The following H2AZ2 variants were observed in gnomAD, a reference collection of about 807,000 sequenced individuals.
The protein encoded by H2AZ2 is H2A.Z variant histone 2, also known as histone H2A.V.
H2AZ2 carries 5 observed loss-of-function variants against 15.5 expected under a neutral mutation model. The ratio of observed to expected loss-of-function variants is 0.32; its 90% CI spans 0.17 to 0.68. H2AZ2 has a LOEUF of 0.68. Ranked by LOEUF, H2AZ2 falls within the 30% of genes least tolerant of loss-of-function variation. The probability of loss-of-function intolerance (pLI) is 0.72; values close to 1 mark genes in which losing one functional copy is unlikely to be tolerated. For missense variants in H2AZ2, 42 were observed against 162.5 expected (o/e 0.26, Z 4.03); for synonymous variants, 44 against 57.4 (o/e 0.77, Z 1.05).
downstream of H2AZ2, chr7:44,830,007 C>G: frequency 1.5e-6 from 1 of 673,132 alleles, no homozygotes; most frequent in Admixed American, 3.1e-5. Flanking sequence ...ATTGAATTCA[C>G]GTATCTGAGA....
intron 2 of H2AZ2, 135 bp from the exon 3 acceptor site, chr7:44,841,147 A>G (rs576905736): frequency 1.1e-5 from 7 of 622,668 alleles, no homozygotes; most frequent in Non-Finnish European, 2.0e-5. Flanking sequence ...CCTATTACGC[A>G]TCAATAGTTC....
chr7:44,828,323 G>A (rs915890245), downstream of H2AZ2: 4 of 152,074 alleles, frequency 2.6e-5, no homozygotes, highest in African/African-American at 9.7e-5. Flanking sequence ...TCCATTTTGA[G>A]TTTACCCTGC....
downstream of H2AZ2, chr7:44,830,187 T>TA (rs1259361336): frequency 6.2e-7 from 1 of 1,611,422 alleles, no homozygotes; most frequent in Non-Finnish European, 8.5e-7. Flanking sequence ...ACAGGACAAA[T>TA]AGAGAATAAA....
At chr7:44,834,640 GA>G (rs1199742420) in intron 4 of H2AZ2, 78 bp from the exon 5 acceptor site, 2 of 1,314,162 alleles carry the variant, frequency 1.5e-6, no homozygotes, top group East Asian at 4.9e-5. Context: ...TAGAAAAAAT[GA>G]AATTTACTTA....
intron 1 of H2AZ2, among the ~76,000 whole-genome samples, chr7:44,845,059 T>C (rs1793363974): frequency 6.6e-6 from 1 of 152,148 alleles, no homozygotes; most frequent in Non-Finnish European, 1.5e-5. Flanking sequence ...TCTTTCAAAA[T>C]AGATGGTAAG....
upstream of H2AZ2, chr7:44,848,092 G>C: frequency 2.0e-6 from 1 of 505,522 alleles, no homozygotes. Flanking sequence ...CCCCGTGCCC[G>C]CCTCGCGCTG....
intron 3 of H2AZ2, among the ~76,000 whole-genome samples, chr7:44,836,149 C>T (rs752229686): frequency 2.0e-5 from 3 of 151,740 alleles, no homozygotes; most frequent in Non-Finnish European, 2.9e-5. Context: ...TTTTTGTAGA[C>T]ACAAGGTTTC....
intron 1 of H2AZ2, among the ~76,000 whole-genome samples, chr7:44,843,996 C>T (rs1793339612): frequency 6.6e-6 from 1 of 150,502 alleles, no homozygotes; most frequent in Non-Finnish European, 1.5e-5. Flanking sequence ...ATTACTTCCA[C>T]AGAAATATTT....
chr7:44,834,097 C>T lies in H2AZ2; in HGVS notation c.*404G>A. ...TCTAAGAGTCAATATACCATGGTATCAATCATTGTAAAGATATATTCCCAA... is the reference window on the plus strand; with the variant it reads ...TCTAAGAGTCAATATACCATGGTATTAATCATTGTAAAGATATATTCCCAA... On this transcript the variant is annotated 3_prime_UTR_variant, in exon 5 of 5. Transcript: ENST00000308153. The T allele has an allele frequency of 1.1e-6, 1 of 880,580 alleles. No homozygotes were observed. Among genetic ancestry groups the T allele is most frequent in the African/African-American group, 1.8e-5 (1 of 55,152 alleles). The allele number at this position is 880,580 out of a possible 1,614,324, so 54.5% of individuals were successfully genotyped here.
chr7:44,843,692 G>A (rs1242793171), intron 1 of H2AZ2, among the ~76,000 whole-genome samples: 1 of 152,150 alleles, frequency 6.6e-6, no homozygotes, highest in African/African-American at 2.4e-5. Flanking sequence ...CTGAGTAGCT[G>A]AGATTACAGG....
At chr7:44,843,207 T>C in intron 2 of H2AZ2, 70 bp downstream of exon 2, 2 of 711,532 alleles carry the variant, frequency 2.8e-6, no homozygotes, top group Non-Finnish European at 4.3e-6. Flanking sequence ...TTTTTGTAAT[T>C]GATGAAACAT....
chr7:44,831,395 G>A (rs1345971744), downstream of H2AZ2, among the ~76,000 whole-genome samples: 1 of 152,038 alleles, frequency 6.6e-6, no homozygotes, highest in Non-Finnish European at 1.5e-5. Context: ...ACAACCCTGG[G>A]AAGAAATTAT....
In H2AZ2 at chr7:44,832,400, T is replaced by C. The variant is rs1793014290; in HGVS notation, c.*2101A>G. Among the ~76,000 whole-genome samples, 1 of 152,036 alleles carries C rather than the reference T, an allele frequency of 6.6e-6. No homozygotes were observed. The highest frequency in any genetic ancestry group is 2.4e-5 in the African/African-American group (1 of 41,410). On this transcript the variant is annotated 3_prime_UTR_variant, in exon 5 of 5. Coordinates refer to ENST00000308153, the MANE Select transcript of H2AZ2 (RefSeq NM_012412.5). ...GGGACTCAAACTGATCCCTGTGGGT[T>C]GGGGCAGGGGATAGGTGGGGATGCA...
Position 44,832,521 on chromosome 7 carries a change from T to C in H2AZ2, c.*1980A>G, listed in dbSNP as rs1793016800. On this transcript the variant is annotated 3_prime_UTR_variant, in exon 5 of 5. Coordinates refer to ENST00000308153, the MANE Select transcript of H2AZ2 (RefSeq NM_012412.5). The stretch of plus-strand genomic sequence containing the variant: ...TGTGCATTTGTGAAAATTTCCATAA[T>C]AAAATGTTTTTAAAAATGAGTTTGG... Among the ~76,000 whole-genome samples, 1 of 152,220 alleles carries C rather than the reference T, an allele frequency of 6.6e-6. No homozygotes were observed. The highest frequency in any genetic ancestry group is 2.1e-4 in the South Asian group (1 of 4,836).
chr7:44,828,386 AAAAC>A (rs367796657), downstream of H2AZ2: 29 of 152,290 alleles, frequency 1.9e-4, no homozygotes, highest in African/African-American at 6.7e-4. Context: ...TCTTGACTGA[AAAAC>A]AAACAGGGCC....
At chr7:44,844,935 G>A (rs1315141197) in intron 1 of H2AZ2, among the ~76,000 whole-genome samples, 1 of 152,058 alleles carries the variant, frequency 6.6e-6, no homozygotes, top group African/African-American at 2.4e-5. Context: ...CTAAAGGTCT[G>A]ACTTAAGAAA....
At chr7:44,841,692 G>A (rs142516358) in intron 2 of H2AZ2, among the ~76,000 whole-genome samples, 3 of 152,232 alleles carry the variant, frequency 2.0e-5, no homozygotes, top group Non-Finnish European at 4.4e-5. Flanking sequence ...TTTTAGTAGA[G>A]ACAGGGTTTT....
chr7:44,847,031 C>A (rs1051221418), intron 1 of H2AZ2, among the ~76,000 whole-genome samples: 1 of 152,152 alleles, frequency 6.6e-6, no homozygotes, highest in Non-Finnish European at 1.5e-5. Flanking sequence ...CAAGACAAAT[C>A]ATCTAATACT....
intron 3 of H2AZ2, among the ~76,000 whole-genome samples, chr7:44,837,313 C>A (rs1793148925): frequency 6.7e-6 from 1 of 149,832 alleles, no homozygotes; most frequent in South Asian, 2.1e-4. Context: ...ATCCCAGCTA[C>A]TTGGGAGGCT....
Sources: allele counts gnomAD v4.1 joint callset (sites outside exome capture counted in the v4.1 genomes callset), GRCh38; gene constraint gnomAD v4.1.1; transcripts MANE v1.5; gene names NCBI Gene and HGNC (gene_info 2026-07-23, HGNC 2026-07-21).